Variants in CCDC88A observed in about 807,000 individuals in gnomAD.
CCDC88A encodes coiled-coil and HOOK domain protein 88A, also known as girdin.
CCDC88A carries 54 observed loss-of-function variants against 234.3 expected under a neutral mutation model. The observed-to-expected ratio is 0.23, with a 90% CI of 0.19 to 0.29. The LOEUF is 0.29. Among genes scored for constraint, CCDC88A ranks in the 10% least tolerant of loss-of-function variants. The pLI, the probability that CCDC88A is intolerant of heterozygous loss-of-function variation, is 1.00. For synonymous variants in CCDC88A, 753 were observed against 737.8 expected, an observed-to-expected ratio of 1.02 and a Z score of -0.33; for missense variants, 1,832 against 2,123.4, an observed-to-expected ratio of 0.86 and a Z score of 2.70.
chr2:55,416,435 AATAAATAAATATATATATAT>A (rs1291490758), intron 2 of CCDC88A, among the ~76,000 whole-genome samples: 5 of 29,628 alleles, frequency 1.7e-4, no homozygotes, highest in African/African-American at 5.4e-4. Flanking sequence ...CAAATAAATA[AATAAATAAATATATATATAT>A]ATATATATAT....
At position 55,339,544 on chromosome 2, in the gene CCDC88A, G is replaced by A. The variant is rs2104705355; in HGVS notation, c.1438C>T (p.Arg480Trp). 2 of 1,613,620 alleles carry A rather than the reference G, an allele frequency of 1.2e-6. No homozygotes were observed. The highest frequency in any genetic ancestry group is 1.7e-6 in the Non-Finnish European group (2 of 1,179,820). The change falls in exon 13 of 33, where the codon CGG becomes TGG. Residue 480 changes from arginine to tryptophan, a missense_variant. Physicochemically the swap from Arg to Trp is moderately radical, Grantham distance 101 (BLOSUM62 -3). Coordinates refer to ENST00000436346, the MANE Select transcript of CCDC88A (RefSeq NM_001365480.1). Reference protein sequence around the residue: ...QSLTKTVEELRTTVDSVEGNA... With the variant: ...QSLTKTVEELWTTVDSVEGNA... ...CCTTCTACAGAATCCACAGTAGTCCGAAGCTCTTCTACGGTTTTTGTCAAA... is the reference window on the plus strand; with the variant it reads ...CCTTCTACAGAATCCACAGTAGTCCAAAGCTCTTCTACGGTTTTTGTCAAA...
At chr2:55,394,525 T>A (rs1182373031) in intron 2 of CCDC88A, 1 of 151,944 alleles carries the variant, frequency 6.6e-6, no homozygotes, top group African/African-American at 2.4e-5. Context: ...CCACGATGGT[T>A]GAACTAGTCT....
At chr2:55,360,833 T>C (rs1043774173) in intron 7 of CCDC88A, among the ~76,000 whole-genome samples, 21 of 152,156 alleles carry the variant, frequency 1.4e-4, no homozygotes, top group African/African-American at 4.6e-4. Context: ...CACACCTGTA[T>C]TCCCAGCACT....
intron 22 of CCDC88A, chr2:55,313,873 GTTGTTAAATTGAAA>G: frequency 6.6e-6 from 1 of 152,226 alleles, no homozygotes. Flanking sequence ...TTATCTGTAT[GTTGTTAAATTGAAA>G]CATAACATAT....
chr2:55,410,049 C>G (rs1483065712), intron 2 of CCDC88A, among the ~76,000 whole-genome samples: 2 of 152,014 alleles, frequency 1.3e-5, no homozygotes, highest in African/African-American at 4.8e-5. Flanking sequence ...CCTACCTCCC[C>G]ACTTTTAAAT....
chr2:55,394,605 C>T (rs1229108322), intron 2 of CCDC88A: 1 of 131,150 alleles, frequency 7.6e-6, no homozygotes, highest in Non-Finnish European at 1.5e-5. Flanking sequence ...TGTTTCTTGA[C>T]TTTGAGAACA....
chr2:55,355,745 T>C lies in CCDC88A; in HGVS notation c.634A>G (p.Ile212Val), dbSNP rs1670486468. The change falls in exon 8 of 33, where the codon ATA becomes GTA. Residue 212 changes from isoleucine (I) to valine (V), a missense_variant. This residue lies in a region of CCDC88A where 1,282 missense variants were observed against 1,543.6 expected (regional missense o/e 0.83). Coordinates refer to ENST00000436346, the MANE Select transcript of CCDC88A (RefSeq NM_001365480.1). ...CCATCCCGCTCTTCAGAGAGTTCTA[T>C]GATAGTCTAGAAATACACACAGAAT... ...DERDEHSETI[I>V]ELSEERDGLH... 1.9e-6 allele frequency: 3 copies of C among 1,610,520 alleles called. No individual in the cohort carries two copies. In the African/African-American group the frequency reaches 4.0e-5, roughly 22 times the overall value.
Position 55,334,898 on chromosome 2 carries a change from A to G in CCDC88A, c.1923T>C (p.Asn641=), listed in dbSNP as rs747849115. Residue 641 remains asparagine (N), a synonymous_variant, in exon 15 of 33, where the codon AAT becomes AAC. Transcript: ENST00000436346. The surrounding 1 kb of genome is among the most constrained non-coding windows in gnomAD (Gnocchi z 6.1). The part of the protein sequence containing the change: ...ENELHHLEKE[N]ELLQKKITNL... ...TAGTTATTTTTTTCTGTAATAATTC[A>G]TTTTCTTTTTCAAGATGATGCAATT... 6.6e-7 allele frequency: 1 copy of G among 1,518,916 alleles called. No individual in the cohort carries two copies. The allele number at this position is 1,518,916 out of a possible 1,614,324, so 94.1% of individuals were successfully genotyped here.
intron 2 of CCDC88A, among the ~76,000 whole-genome samples, chr2:55,413,048 A>T (rs1232133313): frequency 1.3e-5 from 2 of 152,152 alleles, no homozygotes; most frequent in East Asian, 1.9e-4. Context: ...TATAAAAAAA[A>T]TTTTAAAAAA....
chr2:55,325,859 A>G (rs2576705), intron 17 of CCDC88A, among the ~76,000 whole-genome samples: 59,794 of 152,068 alleles, frequency 0.39, 12,483 homozygotes, highest in East Asian at 0.85. Context: ...TGACCCCTTT[A>G]TAATTATGCA....
intron 2 of CCDC88A, chr2:55,417,011 G>C (rs574395761): frequency 1.3e-5 from 2 of 151,382 alleles, no homozygotes; most frequent in African/African-American, 4.8e-5. Context: ...TGAAAATACA[G>C]AAGCAGATTT....
chr2:55,362,575 T>C lies in CCDC88A; in HGVS notation c.487-127A>G, dbSNP rs1255186220. 9 of 624,554 alleles carry C rather than the reference T, an allele frequency of 1.4e-5. No homozygotes were observed. The East Asian group carries it at 3.1e-4, about 22-fold the overall frequency. The allele number at this position is 624,554 out of a possible 1,614,324, so 38.7% of individuals were successfully genotyped here. A position where few individuals can be genotyped will look rare whatever the true frequency, so the allele number is the denominator to read the frequency against. ...TAAAATATGAAAAGCCAATATGATG[T>C]TAAAAGGAGAACATTTGAAATGATA... On this transcript the variant is annotated intron_variant, in intron 6 of 32. Coordinates refer to ENST00000436346, the MANE Select transcript of CCDC88A (RefSeq NM_001365480.1).
In CCDC88A at chr2:55,418,920, GAACA is replaced by G. The variant is rs781291854; in HGVS notation, c.64-8_64-5del. 61 of 1,612,518 alleles carry G rather than the reference GAACA, an allele frequency of 3.8e-5. No individual in the cohort carries two copies. In the African/African-American group the frequency reaches 5.7e-4, roughly 15 times the overall value. On this transcript the variant is annotated splice_polypyrimidine_tract_variant and splice_region_variant and intron_variant, in intron 1 of 32. Transcript: ENST00000436346. ...CCAGAGGTCCAAACGTTTTAACCTA[GAACA>G]AACAGAAGGATCACCACGACATGAA...
intron 2 of CCDC88A, among the ~76,000 whole-genome samples, chr2:55,408,460 C>T (rs1367378420): frequency 2.6e-5 from 4 of 152,094 alleles, no homozygotes; most frequent in Non-Finnish European, 4.4e-5. Context: ...ATAAAGACCA[C>T]GCTGACAAAA....
At chr2:55,339,688 C>T in intron 12 of CCDC88A, 40 bp from the exon 13 acceptor site, 2 of 1,534,870 alleles carry the variant, frequency 1.3e-6, no homozygotes, top group Non-Finnish European at 8.8e-7. Flanking sequence ...TTACTCTTTA[C>T]TGTTTTTACT....
intron 2 of CCDC88A, among the ~76,000 whole-genome samples, chr2:55,396,587 G>T (rs956242485): frequency 1.3e-5 from 2 of 152,000 alleles, no homozygotes; most frequent in Non-Finnish European, 2.9e-5. Flanking sequence ...AAAAAAGGTT[G>T]CACCTGGGTG....
chr2:55,384,905 T>A (rs900499917), intron 3 of CCDC88A, among the ~76,000 whole-genome samples: 6 of 151,858 alleles, frequency 4.0e-5, no homozygotes, highest in African/African-American at 1.5e-4. Context: ...GATCCACCCA[T>A]CTTGGCCTTC....
chr2:55,388,785 TA>T lies in CCDC88A; in HGVS notation c.265del (p.Tyr89IlefsTer9). On this transcript the variant is annotated frameshift_variant, in exon 3 of 33. Coordinates refer to ENST00000436346, the MANE Select transcript of CCDC88A (RefSeq NM_001365480.1). LOFTEE classifies it high-confidence loss of function. ...LSILVRQIKF[Y>X]YQETLQQLIM... ...TTTAAAAAGAGCACTTACCTGGTAATAAAATTTTATCTGTCTCACCAAAATG... is the reference window on the plus strand; with the variant it reads ...TTTAAAAAGAGCACTTACCTGGTAATAAATTTTATCTGTCTCACCAAAATG... 1 of 1,358,068 alleles carries T rather than the reference TA, an allele frequency of 7.4e-7. No individual in the cohort carries two copies. Among genetic ancestry groups the T allele is most frequent in the Non-Finnish European group, 1.0e-6 (1 of 973,570 alleles). 84.1% of individuals were successfully genotyped at this position (1,358,068 alleles called of 1,614,324 possible).
intron 3 of CCDC88A, among the ~76,000 whole-genome samples, chr2:55,385,480 A>T (rs1379728693): frequency 6.6e-6 from 1 of 152,214 alleles, no homozygotes; most frequent in African/African-American, 2.4e-5. Flanking sequence ...AGTCTAACAT[A>T]TATCAATAAA....
Sources: gnomAD v4.1 joint callset for allele counts (sites outside exome capture counted in the v4.1 genomes callset) on GRCh38, gnomAD v4.1.1 for gene constraint, gnomAD v4.1.1 regional missense constraint, Gnocchi (gnomAD v3.1) non-coding constraint, MANE v1.5 for transcripts, NCBI Gene and HGNC (gene_info 2026-07-23, HGNC 2026-07-21) for gene names.